AKT3: variants seen among roughly 807,000 people sequenced by gnomAD.
AKT3 encodes AKT serine/threonine kinase 3, also known as RAC-gamma serine/threonine-protein kinase.
AKT3 carries 15 observed loss-of-function variants against 65.3 expected under a neutral mutation model. The ratio of observed to expected loss-of-function variants is 0.23; its 90% confidence interval spans 0.15 to 0.35. AKT3 has a LOEUF of 0.35. Ranked by LOEUF, AKT3 falls within the 10% of genes least tolerant of loss-of-function variation. The pLI, the probability that AKT3 is intolerant of heterozygous loss-of-function variation, is 1.00. For missense variants in AKT3, 243 were observed against 576.5 expected (o/e 0.42, Z 5.92); for synonymous variants, 206 against 183.8 (o/e 1.12, Z -0.98).
In AKT3 at chr1:243,542,543, T is replaced by A. The variant is rs550834578; in HGVS notation, c.1251+2967A>T. On this transcript the variant is annotated intron_variant, in intron 12 of 13. Transcript: ENST00000673466. ...TAACCAATAATTATGTGATAATAAA[T>A]TAAGAATAAATTTATCAAAACAATA... Among the ~76,000 whole-genome samples the A allele has an allele frequency of 2.6e-5, 4 of 152,258 alleles. No individual in the cohort carries two copies. In the South Asian group the frequency reaches 6.2e-4, roughly 24 times the overall value.
intron 2 of AKT3, among the ~76,000 whole-genome samples, chr1:243,727,339 G>A (rs1197071328): frequency 6.6e-6 from 1 of 152,116 alleles, no homozygotes; most frequent in African/African-American, 2.4e-5. Flanking sequence ...TGTTGCCCAG[G>A]CTGGAGTGCG....
intron 13 of AKT3, among the ~76,000 whole-genome samples, chr1:243,492,602 C>G (rs1465541605): frequency 9.0e-6 from 1 of 111,330 alleles, no homozygotes; most frequent in African/African-American, 3.6e-5. Context: ...CTGCGCCCAG[C>G]TGTTTTTTTT....
At chr1:243,614,483 T>G (rs1455637520) in intron 7 of AKT3, among the ~76,000 whole-genome samples, 1 of 152,062 alleles carries the variant, frequency 6.6e-6, no homozygotes, top group African/African-American at 2.4e-5. Flanking sequence ...AGAACAGAAC[T>G]AAAAAATCCA....
intron 6 of AKT3, among the ~76,000 whole-genome samples, chr1:243,616,695 T>C (rs1378694861): frequency 6.6e-6 from 1 of 152,162 alleles, no homozygotes; most frequent in Non-Finnish European, 1.5e-5. Flanking sequence ...TGCATTATAT[T>C]TGTTATCTTT....
chr1:243,554,486 G>C (rs1021379429), intron 10 of AKT3, among the ~76,000 whole-genome samples: 1 of 152,096 alleles, frequency 6.6e-6, no homozygotes, highest in African/African-American at 2.4e-5. Context: ...TGAGTAATTT[G>C]AGAACAAATA....
intron 4 of AKT3, among the ~76,000 whole-genome samples, chr1:243,653,212 A>G (rs141562292): frequency 0.01 from 1,549 of 152,334 alleles, 29 homozygotes; most frequent in African/African-American, 0.036. Context: ...AGAATACTAT[A>G]AACATCTCTA....
chr1:243,757,608 A>C (rs1689218922), intron 2 of AKT3, among the ~76,000 whole-genome samples: 1 of 152,168 alleles, frequency 6.6e-6, no homozygotes, highest in African/African-American at 2.4e-5. Flanking sequence ...GCAAAGAGCG[A>C]AACTCCATCT....
intron 2 of AKT3, among the ~76,000 whole-genome samples, chr1:243,839,822 T>A (rs1048128203): frequency 2.6e-5 from 4 of 151,568 alleles, no homozygotes; most frequent in African/African-American, 9.7e-5. Context: ...TTATATCAAT[T>A]TTTTGTTGTT....
chr1:243,735,807 G>A (rs1164940489), intron 2 of AKT3: 1 of 152,180 alleles, frequency 6.6e-6, no homozygotes, highest in Non-Finnish European at 1.5e-5. Context: ...AGAAGCCAAT[G>A]ACAGGTATTT....
At chr1:243,680,324 T>C (rs1214016921) in intron 3 of AKT3, among the ~76,000 whole-genome samples, 1 of 151,994 alleles carries the variant, frequency 6.6e-6, no homozygotes, top group Non-Finnish European at 1.5e-5. Flanking sequence ...AAAGCTGAAC[T>C]TGCAATGAAA....
chr1:243,512,285 A>T (rs1282857324), intron 13 of AKT3, 39 bp downstream of exon 13: 2 of 1,130,010 alleles, frequency 1.8e-6, no homozygotes, highest in Non-Finnish European at 2.6e-6. Context: ...AGGAGAAATT[A>T]TATTAGAAAT....
At chr1:243,744,784 C>T (rs1688380997) in intron 2 of AKT3, among the ~76,000 whole-genome samples, 1 of 150,220 alleles carries the variant, frequency 6.7e-6, no homozygotes, top group Admixed American at 6.6e-5. Flanking sequence ...CAGAAATAGA[C>T]TCTCTTGATT....
intron 2 of AKT3, among the ~76,000 whole-genome samples, chr1:243,772,859 A>G (rs1572324166): frequency 2.0e-5 from 3 of 152,046 alleles, no homozygotes; most frequent in African/African-American, 7.2e-5. Flanking sequence ...ATGCAGCCAT[A>G]AAAAAGGATG....
intron 2 of AKT3, among the ~76,000 whole-genome samples, chr1:243,767,115 C>G (rs1369444720): frequency 6.6e-6 from 1 of 151,906 alleles, no homozygotes; most frequent in Non-Finnish European, 1.5e-5. Context: ...TTGCAGAGGG[C>G]AGAAAAGGCT....
intron 10 of AKT3, 39 bp downstream of exon 10, chr1:243,563,680 AT>A: frequency 6.4e-7 from 1 of 1,563,990 alleles, no homozygotes; most frequent in Non-Finnish European, 8.6e-7. Flanking sequence ...GCAAATCATT[AT>A]GTCAATGTTA....
intron 3 of AKT3, among the ~76,000 whole-genome samples, chr1:243,688,858 C>T (rs562898796): frequency 4.7e-4 from 71 of 152,156 alleles, no homozygotes; most frequent in African/African-American, 1.7e-3. Context: ...AATTCTCCAT[C>T]CATCTAGGAT....
At chr1:243,568,495 A>T (rs1312971590) in intron 9 of AKT3, among the ~76,000 whole-genome samples, 1 of 152,050 alleles carries the variant, frequency 6.6e-6, no homozygotes, top group Non-Finnish European at 1.5e-5. Flanking sequence ...AAAAAAGGGT[A>T]ACATTTTTTG....
At chr1:243,576,270 G>A (rs1308925584) in intron 8 of AKT3, among the ~76,000 whole-genome samples, 6 of 152,092 alleles carry the variant, frequency 3.9e-5, no homozygotes, top group Non-Finnish European at 5.9e-5. Flanking sequence ...CAAACCCACA[G>A]CAAATATCAC....
At chr1:243,765,698 C>T (rs1291706673) in intron 2 of AKT3, among the ~76,000 whole-genome samples, 1 of 152,124 alleles carries the variant, frequency 6.6e-6, no homozygotes, top group East Asian at 1.9e-4. Context: ...CTAAATTCTC[C>T]TTTCAATTAT....
Sources: allele counts gnomAD v4.1 joint callset (sites outside exome capture counted in the v4.1 genomes callset), GRCh38; gene constraint gnomAD v4.1.1; transcripts MANE v1.5; gene names NCBI Gene and HGNC (gene_info 2026-07-23, HGNC 2026-07-21).